The following MOXD1 variants were observed in gnomAD, a reference collection of about 807,000 sequenced individuals.
MOXD1 encodes the protein DBH-like monooxygenase protein 1.
Under a neutral mutation model 66.6 loss-of-function variants are expected in MOXD1, and 62 were observed. The observed-to-expected ratio is 0.93, with a 90% CI of 0.76 to 1.15. The LOEUF (loss-of-function observed/expected upper bound fraction) is 1.15, where lower values mean the gene tolerates loss of function less well. MOXD1 is among the 50% of genes most tolerant of loss of function. The pLI is 0.00. For synonymous variants in MOXD1, 303 were observed against 281.9 expected (o/e 1.07, Z -0.75); for missense variants, 847 against 754.6 (o/e 1.12, Z -1.44).
chr6:132,364,456 C>T (rs1776075375), intron 4 of MOXD1, among the ~76,000 whole-genome samples: 1 of 152,122 alleles, frequency 6.6e-6, no homozygotes, highest in Non-Finnish European at 1.5e-5. Flanking sequence ...TTCATTTCAT[C>T]TTTGCTGAAA....
rs1776026067 is a variant in MOXD1 at position 132,361,984 on chromosome 6, A to C, written c.663+10624T>G. 2.6e-5 allele frequency among the ~76,000 whole-genome samples: 4 copies of C among 152,274 alleles called. No individual in the cohort carries two copies. The South Asian group carries it at 8.3e-4, about 32-fold the overall frequency. ...AGTTTTATAAACTTGAATATAAAAT[A>C]TCTCACTTATCAAAAGTGAGTTTCC... On this transcript the variant is annotated intron_variant, in intron 4 of 11. Coordinates refer to ENST00000367963, the MANE Select transcript of MOXD1 (RefSeq NM_015529.4).
Position 132,347,182 on chromosome 6 carries a change from A to G in MOXD1, c.664-18588T>C, listed in dbSNP as rs368720325. On this transcript the variant is annotated intron_variant, in intron 4 of 11. Transcript: ENST00000367963. The stretch of plus-strand genomic sequence containing the variant: ...AGGCACAATTAAGTAAACTGAAGAA[A>G]TTAACACGTATTCTTAGTGGCAGGC... Among the ~76,000 whole-genome samples the G allele has an allele frequency of 5.3e-5, 8 of 152,298 alleles. No homozygotes were observed. The East Asian group carries it at 9.6e-4, about 18-fold the overall frequency.
At chr6:132,391,585 T>A (rs1301317391) in intron 1 of MOXD1, 4 of 152,218 alleles carry the variant, frequency 2.6e-5, no homozygotes, top group African/African-American at 9.6e-5. Context: ...ATACGCAGTT[T>A]TTTTGTATTA....
At chr6:132,373,189 G>C (rs1321885276) in intron 2 of MOXD1, among the ~76,000 whole-genome samples, 192 bp from the exon 3 acceptor site, 1 of 152,138 alleles carries the variant, frequency 6.6e-6, no homozygotes, top group Non-Finnish European at 1.5e-5. Context: ...CCAAATATAT[G>C]AGTTACTTTT....
intron 1 of MOXD1, among the ~76,000 whole-genome samples, chr6:132,400,878 T>C (rs1224934065): frequency 6.6e-6 from 1 of 152,102 alleles, no homozygotes; most frequent in Non-Finnish European, 1.5e-5. Flanking sequence ...TGCAGGTGTG[T>C]AGGCGGGGGG....
intron 4 of MOXD1, among the ~76,000 whole-genome samples, chr6:132,345,596 G>T (rs1322808608): frequency 6.6e-6 from 1 of 152,020 alleles, no homozygotes. Flanking sequence ...TACTTAATTA[G>T]ATAATAGTCT....
Position 132,322,905 on chromosome 6 carries a change from A to T in MOXD1, c.1114-35T>A, listed in dbSNP as rs17061183. The T allele has an allele frequency of 6.4e-3, 9,915 of 1,543,886 alleles. 513 individuals are homozygous for T. The African/African-American group carries it at 0.11, about 18-fold the overall frequency. On this transcript the variant is annotated intron_variant, in intron 7 of 11. Coordinates refer to ENST00000367963, the MANE Select transcript of MOXD1 (RefSeq NM_015529.4). ...ACACCGAGGAAGACCCGATTAGCCC[A>T]CATTAATGCATGTTCAGACAGTTTA...
intron 1 of MOXD1, among the ~76,000 whole-genome samples, chr6:132,386,447 A>AAAAAC (rs1562300136): frequency 2.6e-4 from 34 of 130,316 alleles, no homozygotes; most frequent in African/African-American, 8.3e-4. Flanking sequence ...AAAAAAAAAC[A>AAAAAC]AAAAAAAAAC....
chr6:132,301,739 T>C (rs913251501), intron 10 of MOXD1, among the ~76,000 whole-genome samples: 1 of 152,146 alleles, frequency 6.6e-6, no homozygotes, highest in African/African-American at 2.4e-5. Flanking sequence ...ATTAACAGAC[T>C]TCCACTTTTG....
intron 4 of MOXD1, 84 bp downstream of exon 4, chr6:132,372,524 T>C: frequency 8.0e-7 from 1 of 1,242,628 alleles, no homozygotes; most frequent in East Asian, 2.4e-5. Context: ...AACATTTCTA[T>C]ACTTTTACTG....
intron 4 of MOXD1, among the ~76,000 whole-genome samples, chr6:132,345,239 T>C (rs1258738168): frequency 6.6e-6 from 1 of 152,238 alleles, no homozygotes; most frequent in Non-Finnish European, 1.5e-5. Flanking sequence ...TTGTAGCAGA[T>C]AACATAGAAA....
At chr6:132,338,106 G>A (rs1432996999) in intron 4 of MOXD1, among the ~76,000 whole-genome samples, 1 of 152,034 alleles carries the variant, frequency 6.6e-6, no homozygotes, top group African/African-American at 2.4e-5. Flanking sequence ...ATGTGTTTAG[G>A]TAAAAGAATT....
chr6:132,364,814 A>T (rs920692891), intron 4 of MOXD1, among the ~76,000 whole-genome samples: 19 of 152,184 alleles, frequency 1.2e-4, no homozygotes, highest in African/African-American at 4.1e-4. Context: ...CGAGGCAAAT[A>T]CGGTTATCAG....
chr6:132,301,020 T>C (rs1379961319), intron 10 of MOXD1, among the ~76,000 whole-genome samples: 1 of 152,156 alleles, frequency 6.6e-6, no homozygotes, highest in Non-Finnish European at 1.5e-5. Context: ...TGAATACTTT[T>C]TTTCAAAAAG....
chr6:132,353,728 A>C, intron 4 of MOXD1, among the ~76,000 whole-genome samples: 1 of 151,886 alleles, frequency 6.6e-6, no homozygotes, highest in South Asian at 2.1e-4. Context: ...GGCCAAGGAA[A>C]TTTTCCTTGA....
chr6:132,337,791 T>A (rs889438958), intron 4 of MOXD1, among the ~76,000 whole-genome samples: 6 of 152,372 alleles, frequency 3.9e-5, no homozygotes, highest in African/African-American at 1.4e-4. Flanking sequence ...TCTGTACCTA[T>A]ATTAGCATAT....
intron 10 of MOXD1, among the ~76,000 whole-genome samples, chr6:132,303,271 T>G (rs1384186336): frequency 1.3e-5 from 2 of 152,104 alleles, no homozygotes; most frequent in East Asian, 1.9e-4. Flanking sequence ...ACAGAGAACT[T>G]ACATCCAAAG....
At chr6:132,329,552 C>T (rs915148493) in intron 4 of MOXD1, among the ~76,000 whole-genome samples, 1 of 152,098 alleles carries the variant, frequency 6.6e-6, no homozygotes, top group Admixed American at 6.5e-5. Flanking sequence ...TTACCCATCC[C>T]TACCAGTGGT....
chr6:132,378,189 G>A (rs1383805564), intron 1 of MOXD1, among the ~76,000 whole-genome samples: 1 of 151,952 alleles, frequency 6.6e-6, no homozygotes, highest in Non-Finnish European at 1.5e-5. Flanking sequence ...TTTGGAGGCA[G>A]ATCTTCAGAT....
Sources: gnomAD v4.1 joint callset for allele counts (sites outside exome capture counted in the v4.1 genomes callset) on GRCh38, gnomAD v4.1.1 for gene constraint, MANE v1.5 for transcripts, NCBI Gene and HGNC (gene_info 2026-07-23, HGNC 2026-07-21) for gene names.